The following DOK5 variants were observed in gnomAD, a reference collection of about 807,000 sequenced individuals.
DOK5 encodes downstream of tyrosine kinase 5.
Under a neutral mutation model 43.3 loss-of-function variants are expected in DOK5, and 27 were observed. The observed-to-expected ratio is 0.62, with a 90% confidence interval of 0.46 to 0.86. The LOEUF (loss-of-function observed/expected upper bound fraction) is 0.86, where lower values mean the gene tolerates loss of function less well. Ranked by LOEUF, DOK5 falls within the 40% of genes least tolerant of loss-of-function variation. The pLI is 0.00. For synonymous variants in DOK5, 146 were observed against 140.1 expected (o/e 1.04, Z -0.30); for missense variants, 373 against 392.9 (o/e 0.95, Z 0.43).
rs144677306 is a variant in DOK5 at position 54,561,876 on chromosome 20, C to T, written c.174+6836C>T. On this transcript the variant is annotated intron_variant, in intron 2 of 7. Transcript: ENST00000262593. ...TTCTCCTTGTGGGTCAGTCTGGTCT[C>T]GAACTCCCGACCTCAGGTGATCCGC... Among the ~76,000 whole-genome samples the T allele has an allele frequency of 9.1e-4, 139 of 152,244 alleles. 2 individuals are homozygous for T. The highest frequency in any genetic ancestry group is 1.9e-3 in the African/African-American group (80 of 41,544).
At chr20:54,550,138 A>C (rs372076831) in intron 1 of DOK5, among the ~76,000 whole-genome samples, 116 of 151,702 alleles carry the variant, frequency 7.6e-4, no homozygotes, top group African/African-American at 2.6e-3. Flanking sequence ...TGCCTTCTTA[A>C]AGTTACTCAC....
chr20:54,533,997 A>G (rs941463016), intron 1 of DOK5, among the ~76,000 whole-genome samples: 19 of 152,220 alleles, frequency 1.2e-4, no homozygotes, highest in Non-Finnish European at 2.4e-4. Flanking sequence ...CTAGTGGATT[A>G]TTAAAGTATT....
At chr20:54,542,092 T>C (rs1004933891) in intron 1 of DOK5, among the ~76,000 whole-genome samples, 2 of 130,534 alleles carry the variant, frequency 1.5e-5, no homozygotes, top group Admixed American at 1.6e-4. Context: ...TGAGACATAT[T>C]ATAAGATACA....
chr20:54,610,256 C>T, intron 5 of DOK5, 132 bp from the exon 6 acceptor site: 5 of 997,206 alleles, frequency 5.0e-6, no homozygotes, highest in Non-Finnish European at 6.6e-6. Context: ...TTCTAGTTAA[C>T]TTTGTTTAAC....
At chr20:54,535,418 T>A (rs1983929349) in intron 1 of DOK5, among the ~76,000 whole-genome samples, 1 of 152,156 alleles carries the variant, frequency 6.6e-6, no homozygotes, top group Non-Finnish European at 1.5e-5. Flanking sequence ...GTTGCTTCAA[T>A]AATGTGGAGG....
chr20:54,476,126 G>A, intron 1 of DOK5, 114 bp downstream of exon 1: 4 of 1,554,158 alleles, frequency 2.6e-6, no homozygotes, highest in Admixed American at 2.0e-5. Context: ...AGAATTGCGC[G>A]GTGGCTTTCT....
intron 5 of DOK5, among the ~76,000 whole-genome samples, chr20:54,595,735 TGAGATTGAATGGTCAGAAAGGAAA>T (rs1986120713): frequency 6.6e-6 from 1 of 152,206 alleles, no homozygotes; most frequent in Non-Finnish European, 1.5e-5. Flanking sequence ...GGTGCAAACT[TGAGATTGAATGGTCAGAAAGGAAA>T]GTGTGGGAGT....
At chr20:54,599,654 C>A (rs1246922108) in intron 5 of DOK5, among the ~76,000 whole-genome samples, 3 of 152,114 alleles carry the variant, frequency 2.0e-5, no homozygotes, top group African/African-American at 7.2e-5. Flanking sequence ...TTTTTTCTGA[C>A]CTTTGAGGCA....
intron 1 of DOK5, among the ~76,000 whole-genome samples, chr20:54,545,794 T>G (rs1180646583): frequency 6.6e-6 from 1 of 152,180 alleles, no homozygotes; most frequent in African/African-American, 2.4e-5. Flanking sequence ...AAAACTCCCT[T>G]CAAAACTATC....
At chr20:54,528,750 G>A (rs1013301118) in intron 1 of DOK5, among the ~76,000 whole-genome samples, 1 of 152,198 alleles carries the variant, frequency 6.6e-6, no homozygotes, top group African/African-American at 2.4e-5. Flanking sequence ...ACTGCTGCAA[G>A]TGGCTTCCTT....
intron 1 of DOK5, among the ~76,000 whole-genome samples, chr20:54,515,159 C>T (rs939017383): frequency 9.2e-5 from 14 of 151,850 alleles, no homozygotes; most frequent in South Asian, 2.1e-4. Flanking sequence ...TACAGGCGCC[C>T]GCCACCACAC....
intron 1 of DOK5, among the ~76,000 whole-genome samples, chr20:54,501,056 G>A (rs1254303806): frequency 6.6e-6 from 1 of 152,112 alleles, no homozygotes; most frequent in East Asian, 1.9e-4. Context: ...TGTTTCCTTG[G>A]AATGGATGTG....
At chr20:54,588,911 G>A (rs933079066) in intron 4 of DOK5, 105 bp downstream of exon 4, 2 of 1,219,354 alleles carry the variant, frequency 1.6e-6, no homozygotes, top group Non-Finnish European at 2.3e-6. Context: ...GTATAAAAAT[G>A]TATAAAGAAA....
At chr20:54,480,987 C>CTATCTATCATCTATCTATCTATCATG (rs1981662759) in intron 1 of DOK5, among the ~76,000 whole-genome samples, 1 of 27,652 alleles carries the variant, frequency 3.6e-5, no homozygotes, top group African/African-American at 7.6e-5. Context: ...TATCTATCAT[C>CTATCTATCATCTATCTATCTATCATG]TATCATCTAT....
chr20:54,545,421 T>C (rs1288614624), intron 1 of DOK5, among the ~76,000 whole-genome samples: 8 of 152,062 alleles, frequency 5.3e-5, no homozygotes, highest in Non-Finnish European at 2.9e-5. Flanking sequence ...GTCAGCCAAA[T>C]TGGAGGGTTG....
chr20:54,520,621 A>T (rs1025396577), intron 1 of DOK5, among the ~76,000 whole-genome samples: 2 of 152,094 alleles, frequency 1.3e-5, no homozygotes, highest in African/African-American at 4.8e-5. Context: ...TCTACTAAAA[A>T]TAATAATAAA....
chr20:54,628,017 A>G (rs1978377877), intron 6 of DOK5, among the ~76,000 whole-genome samples: 1 of 152,204 alleles, frequency 6.6e-6, no homozygotes, highest in Non-Finnish European at 1.5e-5. Flanking sequence ...TCACAGTGAG[A>G]CATACTCACT....
In DOK5 at chr20:54,614,938, A is replaced by G. The variant is rs946283689; in HGVS notation, c.735+4415A>G. The stretch of plus-strand genomic sequence containing the variant: ...TGTTTTGCCTTTTCTGGTAATTAAG[A>G]GTGGATCCACATAGCCCTGGCTACA... On this transcript the variant is annotated intron_variant, in intron 6 of 7. Coordinates refer to ENST00000262593, the MANE Select transcript of DOK5 (RefSeq NM_018431.5). Among the ~76,000 whole-genome samples, 3 of 152,212 alleles carry G rather than the reference A, an allele frequency of 2.0e-5. No homozygotes were observed. In the East Asian group the frequency reaches 5.8e-4, roughly 29 times the overall value.
intron 1 of DOK5, among the ~76,000 whole-genome samples, chr20:54,513,400 G>A (rs1046346701): frequency 1.5e-4 from 19 of 125,812 alleles, no homozygotes; most frequent in Middle Eastern, 0.011. Context: ...CAGCTTTTAC[G>A]TAAAATTTTG....
Sources: allele counts gnomAD v4.1 joint callset (sites outside exome capture counted in the v4.1 genomes callset), GRCh38; gene constraint gnomAD v4.1.1; transcripts MANE v1.5; gene names NCBI Gene and HGNC (gene_info 2026-07-23, HGNC 2026-07-21).